Variants in VSIG10 observed in about 807,000 individuals in gnomAD.
The protein encoded by VSIG10 is V-set and immunoglobulin domain containing 10.
In VSIG10, 48 loss-of-function variants were observed where a neutral mutation model predicts 58.7. That is an observed-to-expected ratio of 0.82 (90% CI 0.65 to 1.04). VSIG10 has a LOEUF of 1.04. VSIG10 is among the 50% of genes least tolerant of loss of function. The pLI is 0.00. For synonymous variants in VSIG10, 260 were observed against 267.1 expected (o/e 0.97, Z 0.26); for missense variants, 628 against 670.0 (o/e 0.94, Z 0.69).
intron 5 of VSIG10, among the ~76,000 whole-genome samples, chr12:118,073,291 C>T (rs1419837096): frequency 2.0e-5 from 3 of 152,220 alleles, no homozygotes; most frequent in Non-Finnish European, 1.5e-5. Context: ...TCCCAAAGTG[C>T]TGGGATTACA....
At chr12:118,073,350 T>C (rs1359437162) in intron 5 of VSIG10, among the ~76,000 whole-genome samples, 2 of 152,190 alleles carry the variant, frequency 1.3e-5, no homozygotes, top group Non-Finnish European at 2.9e-5. Flanking sequence ...AATCTGGCCC[T>C]GAGACATACA....
intron 2 of VSIG10, among the ~76,000 whole-genome samples, chr12:118,090,200 G>A (rs781206590): frequency 1.3e-5 from 2 of 152,196 alleles, no homozygotes; most frequent in Admixed American, 6.5e-5. Context: ...AGCTACCCGG[G>A]AGGCTGAGGC....
At position 118,068,689 on chromosome 12, in the gene VSIG10, C is replaced by T. The variant is rs148632026; in HGVS notation, c.1347-92G>A. On this transcript the variant is annotated intron_variant, in intron 7 of 8. Transcript: ENST00000359236. ...ATAGGAAACACTAGATTCTTTGCAA[C>T]CCCATTAGTAATATGGAAAATTACA... 663 of 1,393,330 alleles carry T rather than the reference C, an allele frequency of 4.8e-4. 9 individuals carry two copies. In the East Asian group the frequency reaches 0.017, roughly 35 times the overall value. 86.3% of individuals were successfully genotyped at this position (1,393,330 alleles called of 1,614,324 possible).
At chr12:118,096,321 G>A (rs1469990861) in intron 1 of VSIG10, among the ~76,000 whole-genome samples, 1 of 150,666 alleles carries the variant, frequency 6.6e-6, no homozygotes, top group Non-Finnish European at 1.5e-5. Context: ...GCTAACGCCT[G>A]TAATCCCAGC....
chr12:118,102,852 T>G (rs2033655558), intron 1 of VSIG10: 1 of 152,242 alleles, frequency 6.6e-6, no homozygotes, highest in Admixed American at 6.5e-5. Context: ...ACAGTAGGCA[T>G]GCACAGTAGG....
chr12:118,086,585 G>A (rs1223176877), intron 2 of VSIG10, among the ~76,000 whole-genome samples: 1 of 152,092 alleles, frequency 6.6e-6, no homozygotes, highest in Non-Finnish European at 1.5e-5. Flanking sequence ...AGCAGGGATG[G>A]GTCAATTGAT....
chr12:118,089,411 G>A (rs1028134735), intron 2 of VSIG10, among the ~76,000 whole-genome samples: 1 of 152,184 alleles, frequency 6.6e-6, no homozygotes, highest in African/African-American at 2.4e-5. Flanking sequence ...ACTAAAGAGA[G>A]TGATGATAAA....
At chr12:118,078,443 G>T (rs2032812857) in intron 4 of VSIG10, among the ~76,000 whole-genome samples, 1 of 152,104 alleles carries the variant, frequency 6.6e-6, no homozygotes. Context: ...ACAGGTGTGA[G>T]CTACCACGCC....
Position 118,065,043 on chromosome 12 carries a change from C to A in VSIG10, c.*1596G>T, listed in dbSNP as rs574596690. On this transcript the variant is annotated 3_prime_UTR_variant, in exon 9 of 9. Transcript: ENST00000359236. ...CGACTTTAAGAAATTTATATGAAAT[C>A]GGAAAACTTAAATCTTGAAACTATA... 2 of 152,158 alleles carry A rather than the reference C, an allele frequency of 1.3e-5. No individual in the cohort carries two copies. The highest frequency in any genetic ancestry group is 2.9e-5 in the Non-Finnish European group (2 of 68,030). 9.4% of individuals were successfully genotyped at this position (152,158 alleles called of 1,614,324 possible). A position where few individuals can be genotyped will look rare whatever the true frequency, so the allele number is the denominator to read the frequency against.
intron 1 of VSIG10, among the ~76,000 whole-genome samples, chr12:118,099,162 G>A (rs2033556680): frequency 6.6e-6 from 1 of 152,102 alleles, no homozygotes; most frequent in Non-Finnish European, 1.5e-5. Flanking sequence ...GCTGAGGTGG[G>A]CGGATCACTT....
intron 4 of VSIG10, among the ~76,000 whole-genome samples, chr12:118,075,194 A>G (rs77895418): frequency 1.6e-4 from 17 of 105,584 alleles, no homozygotes; most frequent in African/African-American, 3.5e-4. Context: ...GTATATATAT[A>G]TGTGTGTGTG....
chr12:118,089,085 A>G (rs1020120406), intron 2 of VSIG10, among the ~76,000 whole-genome samples: 2 of 151,786 alleles, frequency 1.3e-5, no homozygotes, highest in African/African-American at 4.8e-5. Context: ...CGCATCTGGG[A>G]TCACAGGTGT....
At chr12:118,067,649 T>TGG (rs35733246) in intron 8 of VSIG10, among the ~76,000 whole-genome samples, 21 of 151,614 alleles carry the variant, frequency 1.4e-4, no homozygotes, top group South Asian at 4.2e-4. Flanking sequence ...TTAGTAGAGA[T>TGG]GGGGGTCTCA....
intron 7 of VSIG10, among the ~76,000 whole-genome samples, chr12:118,070,799 T>C (rs77711049): frequency 1.3e-5 from 2 of 152,284 alleles, no homozygotes; most frequent in East Asian, 3.9e-4. Context: ...TGCTTTCTTC[T>C]GGAATGAGCT....
chr12:118,086,527 G>A lies in VSIG10; in HGVS notation c.362-4098C>T, dbSNP rs988906068. Among the ~76,000 whole-genome samples, 6 of 152,150 alleles carry A rather than the reference G, an allele frequency of 3.9e-5. No individual in the cohort carries two copies. The East Asian group carries it at 1.2e-3, about 29-fold the overall frequency. On this transcript the variant is annotated intron_variant, in intron 2 of 8. Coordinates refer to ENST00000359236, the MANE Select transcript of VSIG10 (RefSeq NM_019086.6). ...TCCCTATCTGACCAGCCTGTCTGCA[G>A]GTAAACACATGGCTGTTCCAATATC...
chr12:118,069,500 A>G (rs546058434), intron 7 of VSIG10, among the ~76,000 whole-genome samples: 1 of 141,846 alleles, frequency 7.0e-6, no homozygotes, highest in South Asian at 2.2e-4. Context: ...ATCATGGCTC[A>G]CCGCAACCTC....
rs1411146529 is a variant in VSIG10 at position 118,070,831 on chromosome 12, C to T, written c.1346+221G>A. ...AGCTTGCAGAAATTACTTCACTGAGCCTCCATCCCCTTATCTGGAAAATGG... is the reference window on the plus strand; with the variant it reads ...AGCTTGCAGAAATTACTTCACTGAGTCTCCATCCCCTTATCTGGAAAATGG... On this transcript the variant is annotated intron_variant, in intron 7 of 8. Transcript: ENST00000359236. The T allele has an allele frequency of 5.4e-5, 32 of 592,470 alleles. No homozygotes were observed. In the South Asian group the frequency reaches 5.5e-4, roughly 10 times the overall value. 36.7% of individuals were successfully genotyped at this position (592,470 alleles called of 1,614,324 possible).
At chr12:118,070,324 G>A (rs1335566327) in intron 7 of VSIG10, among the ~76,000 whole-genome samples, 1 of 152,114 alleles carries the variant, frequency 6.6e-6, no homozygotes, top group South Asian at 2.1e-4. Flanking sequence ...GAGGCGGGCA[G>A]ACCACTTGAG....
intron 2 of VSIG10, among the ~76,000 whole-genome samples, chr12:118,084,386 A>G (rs1338249307): frequency 6.6e-6 from 1 of 152,202 alleles, no homozygotes; most frequent in African/African-American, 2.4e-5. Flanking sequence ...TGACTTCAGA[A>G]TGCACCACAC....
Sources: gnomAD v4.1 joint callset for allele counts (sites outside exome capture counted in the v4.1 genomes callset) on GRCh38, gnomAD v4.1.1 for gene constraint, MANE v1.5 for transcripts, NCBI Gene and HGNC (gene_info 2026-07-23, HGNC 2026-07-21) for gene names.